GRM8: variants seen among roughly 807,000 people sequenced by gnomAD.
The protein encoded by GRM8 is glutamate metabotropic receptor 8.
GRM8 carries 47 observed loss-of-function variants against 87.2 expected under a neutral mutation model. That is an observed-to-expected ratio of 0.54 (90% confidence interval 0.43 to 0.69). The LOEUF is 0.69. Ranked by LOEUF, GRM8 falls within the 30% of genes least tolerant of loss-of-function variation. GRM8 has a pLI of 0.00. For missense variants in GRM8, 1,019 were observed against 1,139.2 expected, an observed-to-expected ratio of 0.89 and a Z score of 1.52; for synonymous variants, 396 against 404.5, an observed-to-expected ratio of 0.98 and a Z score of 0.25.
At chr7:126,645,712 G>A (rs949836938) in intron 7 of GRM8, among the ~76,000 whole-genome samples, 1 of 152,056 alleles carries the variant, frequency 6.6e-6, no homozygotes, top group African/African-American at 2.4e-5. Context: ...ATAAAACATG[G>A]CTTGTCTGAT....
intron 10 of GRM8, among the ~76,000 whole-genome samples, chr7:126,440,613 T>C (rs1801360362): frequency 6.6e-6 from 1 of 152,054 alleles, no homozygotes; most frequent in African/African-American, 2.4e-5. Flanking sequence ...TAGATATGTT[T>C]AGATATACAA....
chr7:126,879,326 C>T (rs1799826020), intron 6 of GRM8, among the ~76,000 whole-genome samples: 1 of 152,100 alleles, frequency 6.6e-6, no homozygotes. Context: ...TTTGCCCTAA[C>T]CCTATTAGGA....
At chr7:127,090,984 T>C (rs1824006133) in intron 3 of GRM8, 1 of 152,244 alleles carries the variant, frequency 6.6e-6, no homozygotes, top group Non-Finnish European at 1.5e-5. Context: ...ACAGTGCTAA[T>C]GAAAGATGTC....
At position 126,711,180 on chromosome 7, in the gene GRM8, T is replaced by C. The variant is rs889359565; in HGVS notation, c.1357+58685A>G. Among the ~76,000 whole-genome samples, 2 of 152,070 alleles carry C rather than the reference T, an allele frequency of 1.3e-5. 1 individual carries two copies. The highest frequency in any genetic ancestry group is 1.3e-4 in the Admixed American group (2 of 15,250). On this transcript the variant is annotated intron_variant, in intron 7 of 10. Coordinates refer to ENST00000339582, the MANE Select transcript of GRM8 (RefSeq NM_000845.3). ...TCACAGTGAGACTGTCTCAAAAACA[T>C]AAAGTAAAATAAAATATATTTCTTA... is the stretch of plus-strand genomic sequence containing the variant.
intron 2 of GRM8, among the ~76,000 whole-genome samples, chr7:127,119,481 GTC>G (rs66684637): frequency 1.2e-3 from 176 of 148,438 alleles, no homozygotes; most frequent in Middle Eastern, 3.4e-3. Flanking sequence ...GCGAGATCCT[GTC>G]TCTCTCTCTC....
chr7:126,473,707 A>C (rs1181813656), intron 9 of GRM8, among the ~76,000 whole-genome samples: 1 of 152,054 alleles, frequency 6.6e-6, no homozygotes, highest in Non-Finnish European at 1.5e-5. Context: ...TCCCCACCCA[A>C]ATCTTATCTT....
rs376312831 is a variant in GRM8, at chr7:126,949,524, A to G, written c.728-44841T>C. ...AATATATATTACAGGTTTATTTTTC[A>G]TATGGCAAAAGCAGTATGCCTATCT... is the stretch of plus-strand genomic sequence containing the variant. On this transcript the variant is annotated intron_variant, in intron 3 of 10. Transcript: ENST00000339582. Among the ~76,000 whole-genome samples, 77 of 152,352 alleles carry G rather than the reference A, an allele frequency of 5.1e-4. 1 individual carries two copies. The highest frequency in any genetic ancestry group is 2.1e-3 in the East Asian group (11 of 5,184).
intron 2 of GRM8, among the ~76,000 whole-genome samples, chr7:127,130,557 G>A (rs1335333231): frequency 1.3e-5 from 2 of 152,190 alleles, no homozygotes; most frequent in Non-Finnish European, 1.5e-5. Flanking sequence ...CCCCGCCCTA[G>A]AGATATGTGG....
At chr7:127,006,535 A>G (rs1814324066) in intron 3 of GRM8, among the ~76,000 whole-genome samples, 1 of 151,998 alleles carries the variant, frequency 6.6e-6, no homozygotes, top group Non-Finnish European at 1.5e-5. Flanking sequence ...GTTCGAATCA[A>G]GGTCATTAAC....
At chr7:127,245,372 G>A (rs887267548) in intron 1 of GRM8, among the ~76,000 whole-genome samples, 1 of 152,196 alleles carries the variant, frequency 6.6e-6, no homozygotes, top group Admixed American at 6.5e-5. Flanking sequence ...AAATGTCTAG[G>A]GGGAGTGGAT....
intron 2 of GRM8, among the ~76,000 whole-genome samples, chr7:127,117,556 C>T (rs1195129087): frequency 1.3e-5 from 2 of 152,112 alleles, no homozygotes; most frequent in Admixed American, 6.5e-5. Context: ...AAATGAGCTG[C>T]TTAAGACAGT....
At chr7:126,661,999 T>C (rs1805233369) in intron 7 of GRM8, among the ~76,000 whole-genome samples, 1 of 145,950 alleles carries the variant, frequency 6.9e-6, no homozygotes, top group Non-Finnish European at 1.5e-5. Flanking sequence ...GGTATTGTTA[T>C]TAACTGTTAA....
At chr7:126,730,683 A>G (rs1312755772) in intron 7 of GRM8, among the ~76,000 whole-genome samples, 1 of 152,154 alleles carries the variant, frequency 6.6e-6, no homozygotes, top group African/African-American at 2.4e-5. Flanking sequence ...CGTGAAAGAT[A>G]TAGTGCGATA....
chr7:126,863,778 T>C (rs989322192), intron 6 of GRM8, among the ~76,000 whole-genome samples: 2 of 152,138 alleles, frequency 1.3e-5, no homozygotes, highest in African/African-American at 4.8e-5. Flanking sequence ...GATAGATTCA[T>C]CTTATTTTGT....
chr7:126,846,981 G>A (rs1289502144), intron 6 of GRM8, among the ~76,000 whole-genome samples: 1 of 152,084 alleles, frequency 6.6e-6, no homozygotes, highest in African/African-American at 2.4e-5. Context: ...AGAAAGGCAT[G>A]ACTTATGCCT....
intron 3 of GRM8, among the ~76,000 whole-genome samples, chr7:126,911,203 T>C (rs570884771): frequency 6.6e-6 from 1 of 152,312 alleles, no homozygotes; most frequent in African/African-American, 2.4e-5. Context: ...TTCTGAAAAG[T>C]GATACTTGCT....
chr7:126,535,779 C>A (rs1318671447), intron 8 of GRM8, among the ~76,000 whole-genome samples: 1 of 152,044 alleles, frequency 6.6e-6, no homozygotes, highest in Non-Finnish European at 1.5e-5. Context: ...CAAGTCCCTC[C>A]TACCTCATCA....
chr7:126,800,432 T>A (rs1172757792), intron 6 of GRM8, among the ~76,000 whole-genome samples: 1 of 152,158 alleles, frequency 6.6e-6, no homozygotes, highest in African/African-American at 2.4e-5. Context: ...ATAACTGTAA[T>A]GCAGCCATGC....
intron 2 of GRM8, chr7:127,219,362 T>C (rs1796773210): frequency 6.6e-6 from 1 of 152,208 alleles, no homozygotes; most frequent in Non-Finnish European, 1.5e-5. Context: ...ATAGGTCATA[T>C]TTTTACTAAA....
Sources: allele counts gnomAD v4.1 joint callset (sites outside exome capture counted in the v4.1 genomes callset), GRCh38; gene constraint gnomAD v4.1.1; transcripts MANE v1.5; gene names NCBI Gene and HGNC (gene_info 2026-07-23, HGNC 2026-07-21).